The following CAPN11 variants were observed in gnomAD, a reference collection of about 807,000 sequenced individuals.
The protein encoded by CAPN11 is calpain 11.
A neutral mutation model predicts 105.3 loss-of-function variants in CAPN11; 108 were observed. That is an observed-to-expected ratio of 1.03 (90% CI 0.88 to 1.20). The LOEUF is 1.20. Ranked by LOEUF, CAPN11 falls within the 50% of genes most tolerant of loss-of-function variation. The pLI, the probability that CAPN11 is intolerant of heterozygous loss-of-function variation, is 0.00. For synonymous variants in CAPN11, 329 were observed against 344.5 expected, an observed-to-expected ratio of 0.96 and a Z score of 0.50; for missense variants, 883 against 924.8, an observed-to-expected ratio of 0.95 and a Z score of 0.59.
At chr6:44,161,961 G>GTCT (rs1768908699) in intron 1 of CAPN11, 1 of 451,272 alleles carries the variant, frequency 2.2e-6, no homozygotes, top group Non-Finnish European at 4.5e-6. Context: ...TTTTGAACTG[G>GTCT]AAAATTCTTT....
Position 44,182,923 on chromosome 6 carries a change from A to G in CAPN11, c.1939-18A>G. On this transcript the variant is annotated intron_variant, in intron 19 of 22. Transcript: ENST00000398776. ...CATGCCATGCATGTGGCCCTACCAT[A>G]TCTGTCTGTCTCTTCAGGACATCTT... 6.3e-7 allele frequency: 1 copy of G among 1,585,436 alleles called. No individual in the cohort carries two copies. Among genetic ancestry groups the G allele is most frequent in the Non-Finnish European group, 8.6e-7 (1 of 1,159,716 alleles).
At chr6:44,164,877 ATGTTT>A (rs1208097127) in intron 1 of CAPN11, among the ~76,000 whole-genome samples, 1 of 150,542 alleles carries the variant, frequency 6.6e-6, no homozygotes, top group Non-Finnish European at 1.5e-5. Flanking sequence ...ATTTTATGTT[ATGTTT>A]TATTTATTTA....
Position 44,183,170 on chromosome 6 carries a change from A to T in CAPN11, c.2069A>T (p.Asp690Val). Residue 690 changes from aspartate (D) to valine (V), a missense_variant, in exon 21 of 23, where the codon GAT (aspartate) becomes GTT (valine). Asp to Val is a radical substitution (Grantham distance 152). Coordinates refer to ENST00000398776, the MANE Select transcript of CAPN11 (RefSeq NM_007058.4). Reference sequence around the variant, plus strand: ...CAGGTCCTGGTGGCCAGGTATGCAGATGATGACCTGATCATAGACTTTGAC... The same window carrying T: ...CAGGTCCTGGTGGCCAGGTATGCAGTTGATGACCTGATCATAGACTTTGAC... ...VMQVLVARYA[D>V]DDLIIDFDSF... 6.2e-7 allele frequency: 1 copy of T among 1,613,384 alleles called. No individual in the cohort carries two copies. Among genetic ancestry groups the T allele is most frequent in the Non-Finnish European group, 8.5e-7 (1 of 1,179,724 alleles).
intron 1 of CAPN11, among the ~76,000 whole-genome samples, 174 bp downstream of exon 1, chr6:44,159,038 C>T (rs1450745382): frequency 2.2e-5 from 3 of 137,782 alleles, no homozygotes; most frequent in South Asian, 2.2e-4. Context: ...TTCCATCAGA[C>T]TGGATGCTCC....
chr6:44,173,453 C>A, intron 7 of CAPN11, 67 bp downstream of exon 7: 1 of 1,014,440 alleles, frequency 9.9e-7, no homozygotes, highest in East Asian at 2.6e-5. Flanking sequence ...AAAGGCTCTT[C>A]CCCCAGTATC....
At chr6:44,170,561 T>A (rs981970895) in intron 4 of CAPN11, among the ~76,000 whole-genome samples, 5 of 152,168 alleles carry the variant, frequency 3.3e-5, no homozygotes, top group African/African-American at 1.2e-4. Context: ...GCGAGTTATC[T>A]AAGAGAGAGG....
At position 44,183,910 on chromosome 6, in the gene CAPN11, T is replaced by C; in HGVS notation, c.2198T>C (p.Leu733Pro). ...ATCTGCTTCCTGTCTCCACAGTGGCTGCAGATGACCATGTGGGGATAGAGG... is the reference window on the plus strand; with the variant it reads ...ATCTGCTTCCTGTCTCCACAGTGGCCGCAGATGACCATGTGGGGATAGAGG... ...GHICLSLEQW[L>P]QMTMWG The change falls in exon 23 of 23, where the codon CTG becomes CCG. Residue 733 changes from leucine to proline, a missense_variant. By Grantham distance (98) the Leu-to-Pro change is moderately conservative. Coordinates refer to ENST00000398776, the MANE Select transcript of CAPN11 (RefSeq NM_007058.4). The C allele has an allele frequency of 6.4e-7, 1 of 1,558,394 alleles. No homozygotes were observed. Among genetic ancestry groups the C allele is most frequent in the Middle Eastern group, 1.7e-4 (1 of 5,760 alleles).
intron 1 of CAPN11, chr6:44,162,036 T>C: frequency 2.6e-6 from 1 of 386,222 alleles, no homozygotes; most frequent in Non-Finnish European, 5.3e-6. Context: ...ACTTACTAGA[T>C]GCCAGTAGCT....
At chr6:44,177,037 T>A in intron 11 of CAPN11, 39 bp downstream of exon 11, 1 of 1,596,802 alleles carries the variant, frequency 6.3e-7, no homozygotes. Context: ...GTGCAGGGAG[T>A]GAAGGATGGG....
chr6:44,179,115 C>T (rs141628534), intron 12 of CAPN11, among the ~76,000 whole-genome samples: 3 of 152,242 alleles, frequency 2.0e-5, no homozygotes, highest in Non-Finnish European at 2.9e-5. Flanking sequence ...TCACTTCCTG[C>T]AGGATATGAG....
At chr6:44,181,182 C>T in intron 18 of CAPN11, 70 bp from the exon 19 acceptor site, 2 of 1,428,726 alleles carry the variant, frequency 1.4e-6, no homozygotes, top group Non-Finnish European at 2.0e-6. Context: ...CCCTCAGGAA[C>T]CCCCGCTGCT....
chr6:44,161,177 G>GT (rs72414684), intron 1 of CAPN11, among the ~76,000 whole-genome samples: 32,468 of 143,362 alleles, frequency 0.23, 3,619 homozygotes, highest in East Asian at 0.3. Context: ...TTTCTTTTGG[G>GT]TTTTTTTTTT....
chr6:44,166,141 A>G (rs1769799294), intron 1 of CAPN11, among the ~76,000 whole-genome samples: 1 of 152,136 alleles, frequency 6.6e-6, no homozygotes, highest in Non-Finnish European at 1.5e-5. Context: ...CGTGTGGAAC[A>G]GGAGAAGGGG....
intron 1 of CAPN11, among the ~76,000 whole-genome samples, chr6:44,160,266 C>T (rs1192306714): frequency 6.6e-6 from 1 of 152,186 alleles, no homozygotes; most frequent in Non-Finnish European, 1.5e-5. Context: ...TTTCAAAACA[C>T]CATGTCGTAT....
intron 1 of CAPN11, among the ~76,000 whole-genome samples, chr6:44,160,500 C>G (rs1368340958): frequency 6.6e-6 from 1 of 152,002 alleles, no homozygotes; most frequent in Non-Finnish European, 1.5e-5. Flanking sequence ...GCCTGTAGTC[C>G]CAGCTACTCG....
intron 1 of CAPN11, among the ~76,000 whole-genome samples, chr6:44,160,535 T>G (rs915353139): frequency 6.6e-6 from 1 of 152,086 alleles, no homozygotes; most frequent in African/African-American, 2.4e-5. Flanking sequence ...GAGAATAGCG[T>G]GAACCCAGAA....
Position 44,177,429 on chromosome 6 carries a change from C to G in CAPN11, c.1416+9C>G. 3 of 1,601,230 alleles carry G rather than the reference C, an allele frequency of 1.9e-6. No homozygotes were observed. Among genetic ancestry groups the G allele is most frequent in the Non-Finnish European group, 1.7e-6 (2 of 1,171,374 alleles). On this transcript the variant is annotated intron_variant, in intron 12 of 22. Transcript: ENST00000398776. ...GCTTTGTCCTCTACGCGGTGGGTGC[C>G]TGGCTGGTCTCGCCCGCCACTCACT...
chr6:44,183,300 C>A, intron 21 of CAPN11, 65 bp downstream of exon 21: 2 of 985,178 alleles, frequency 2.0e-6, no homozygotes, highest in Non-Finnish European at 1.6e-6. Flanking sequence ...CCCAAACACC[C>A]ACCCTGATGG....
At chr6:44,168,264 G>A (rs1009302231) in intron 2 of CAPN11, among the ~76,000 whole-genome samples, 2 of 152,066 alleles carry the variant, frequency 1.3e-5, no homozygotes, top group African/African-American at 4.8e-5. Context: ...GCAATATGGG[G>A]TTCTTTCTCT....
Sources: gnomAD v4.1 joint callset for allele counts (sites outside exome capture counted in the v4.1 genomes callset) on GRCh38, gnomAD v4.1.1 for gene constraint, MANE v1.5 for transcripts, NCBI Gene and HGNC (gene_info 2026-07-23, HGNC 2026-07-21) for gene names.